CFAP299: variants seen among roughly 807,000 people sequenced by gnomAD.
CFAP299 encodes cilia- and flagella-associated protein 299.
Under a neutral mutation model 27.0 loss-of-function variants are expected in CFAP299, and 21 were observed. That is an observed-to-expected ratio of 0.78 (90% CI 0.55 to 1.12). The LOEUF (loss-of-function observed/expected upper bound fraction) is 1.12, where lower values mean the gene tolerates loss of function less well. CFAP299 is among the 50% of genes most tolerant of loss of function. The probability of loss-of-function intolerance (pLI) is 0.00; values close to 1 mark genes in which losing one functional copy is unlikely to be tolerated. For missense variants in CFAP299, 310 were observed against 276.6 expected (o/e 1.12, Z -0.86); for synonymous variants, 104 against 98.1 (o/e 1.06, Z -0.36).
chr4:80,440,184 C>A (rs995558314), intron 2 of CFAP299, among the ~76,000 whole-genome samples: 1 of 152,206 alleles, frequency 6.6e-6, no homozygotes. Context: ...GATCTCTCAG[C>A]ACAATGCTTG....
At position 80,382,331 on chromosome 4, in the gene CFAP299, C is replaced by T. The variant is rs191170689; in HGVS notation, c.242+19447C>T. ...ACAGCAATTGCAATGAAAGCAAAAA[C>T]TGACAAATGAGACCTAATTAACTGC... On this transcript the variant is annotated intron_variant, in intron 2 of 5. Coordinates refer to ENST00000358105, the MANE Select transcript of CFAP299 (RefSeq NM_152770.3). Among the ~76,000 whole-genome samples, 8 of 152,274 alleles carry T rather than the reference C, an allele frequency of 5.3e-5. No homozygotes were observed. The East Asian group carries it at 1.3e-3, about 26-fold the overall frequency.
At chr4:80,377,850 T>C (rs7439958) in intron 2 of CFAP299, among the ~76,000 whole-genome samples, 5,886 of 152,294 alleles carry the variant, frequency 0.039, 261 homozygotes, top group East Asian at 0.25. Context: ...ATTGGACTTA[T>C]AGTTTCACAT....
rs1344426401 is a variant in CFAP299 at position 80,800,667 on chromosome 4, A to G, written c.334-69326A>G. 1.6e-4 allele frequency among the ~76,000 whole-genome samples: 18 copies of G among 110,742 alleles called. No individual in the cohort carries two copies. The East Asian group carries it at 3.8e-3, about 24-fold the overall frequency. 72.7% of individuals were successfully genotyped at this position (110,742 alleles called of 152,430 possible). On this transcript the variant is annotated intron_variant, in intron 3 of 5. Transcript: ENST00000358105. ...TATATTAATATATATATGATATATTAATATAAATATATGATATATTATATA... is the reference window on the plus strand; with the variant it reads ...TATATTAATATATATATGATATATTGATATAAATATATGATATATTATATA...
At chr4:80,904,411 G>T (rs1335163856) in intron 4 of CFAP299, among the ~76,000 whole-genome samples, 1 of 152,128 alleles carries the variant, frequency 6.6e-6, no homozygotes, top group Non-Finnish European at 1.5e-5. Flanking sequence ...AGTCAGATTG[G>T]CAGTTGGGAA....
intron 2 of CFAP299, among the ~76,000 whole-genome samples, chr4:80,444,523 T>C (rs551559035): frequency 6.4e-4 from 97 of 152,224 alleles, no homozygotes; most frequent in African/African-American, 2.3e-3. Context: ...TATACAAAAA[T>C]TAATATAAGA....
At chr4:80,674,686 C>G (rs1162671179) in intron 3 of CFAP299, among the ~76,000 whole-genome samples, 1 of 152,174 alleles carries the variant, frequency 6.6e-6, no homozygotes, top group Non-Finnish European at 1.5e-5. Context: ...GGTCTTTTCA[C>G]ATTGTCCCAT....
At chr4:80,646,255 T>C (rs1173887770) in intron 3 of CFAP299, among the ~76,000 whole-genome samples, 1 of 152,150 alleles carries the variant, frequency 6.6e-6, no homozygotes, top group East Asian at 1.9e-4. Context: ...CAATATTTGT[T>C]AAATAAAAGA....
chr4:80,554,136 A>C (rs887457033), intron 2 of CFAP299, among the ~76,000 whole-genome samples: 6 of 152,110 alleles, frequency 3.9e-5, no homozygotes, highest in Admixed American at 2.6e-4. Flanking sequence ...TTTTACATTT[A>C]AGTCTTCAAT....
intron 3 of CFAP299, among the ~76,000 whole-genome samples, chr4:80,777,354 C>A (rs563580684): frequency 6.6e-6 from 1 of 152,238 alleles, no homozygotes; most frequent in African/African-American, 2.4e-5. Context: ...CTACTCATTT[C>A]TATGGCTGAG....
At chr4:80,359,177 C>T (rs2109994192) in intron 1 of CFAP299, among the ~76,000 whole-genome samples, 1 of 152,218 alleles carries the variant, frequency 6.6e-6, no homozygotes, top group South Asian at 2.1e-4. Flanking sequence ...AGAGTTTCTG[C>T]TGAAAGGTCT....
At chr4:80,344,070 C>G (rs1722603581) in intron 1 of CFAP299, among the ~76,000 whole-genome samples, 1 of 152,044 alleles carries the variant, frequency 6.6e-6, no homozygotes, top group Admixed American at 6.6e-5. Context: ...AACAACCTGA[C>G]AACACAACTA....
At chr4:80,419,092 G>A (rs183778164) in intron 2 of CFAP299, among the ~76,000 whole-genome samples, 1 of 152,296 alleles carries the variant, frequency 6.6e-6, no homozygotes, top group Admixed American at 6.5e-5. Flanking sequence ...TTTGACTGAG[G>A]ACCATAAGGC....
chr4:80,605,502 A>G (rs1737610964), intron 3 of CFAP299, among the ~76,000 whole-genome samples: 1 of 152,220 alleles, frequency 6.6e-6, no homozygotes, highest in African/African-American at 2.4e-5. Context: ...AAATGCTCTT[A>G]CTGACTTTAC....
At chr4:80,338,941 T>G (rs1722298632) in intron 1 of CFAP299, among the ~76,000 whole-genome samples, 1 of 152,252 alleles carries the variant, frequency 6.6e-6, no homozygotes. Context: ...AGATCCATTC[T>G]GTGCCCCTGG....
chr4:80,738,149 A>G (rs552820555), intron 3 of CFAP299, among the ~76,000 whole-genome samples: 1 of 152,304 alleles, frequency 6.6e-6, no homozygotes, highest in East Asian at 1.9e-4. Flanking sequence ...GACCTAACAT[A>G]TGGACTATCC....
chr4:80,543,610 C>T (rs769545801), intron 2 of CFAP299, among the ~76,000 whole-genome samples: 31 of 152,212 alleles, frequency 2.0e-4, no homozygotes, highest in Non-Finnish European at 1.6e-4. Context: ...ATCTCAGACT[C>T]TGAAGATCAC....
rs75042231 is a variant in CFAP299, at chr4:80,678,379, A to G, written c.333+95196A>G. 8.0e-3 allele frequency among the ~76,000 whole-genome samples: 1,222 copies of G among 152,114 alleles called. 21 individuals carry two copies. Among genetic ancestry groups the G allele is most frequent in the African/African-American group, 0.028 (1,166 of 41,536 alleles). On this transcript the variant is annotated intron_variant, in intron 3 of 5. Transcript: ENST00000358105. ...GCAGTAGATGTTTTTTCCATCACAA[A>G]CTAGCTTCCTAGTTACCTAATAAAG...
chr4:80,455,071 C>T (rs1246813029), intron 2 of CFAP299, among the ~76,000 whole-genome samples: 4 of 152,086 alleles, frequency 2.6e-5, no homozygotes, highest in Admixed American at 6.6e-5. Context: ...TATGATATTA[C>T]CCCTAGGAGC....
At chr4:80,509,878 G>T (rs1342611065) in intron 2 of CFAP299, among the ~76,000 whole-genome samples, 5 of 150,414 alleles carry the variant, frequency 3.3e-5, no homozygotes, top group Admixed American at 1.3e-4. Flanking sequence ...TTTTTTTCTG[G>T]CAGGTTGCAT....
Sources: allele counts gnomAD v4.1 joint callset (sites outside exome capture counted in the v4.1 genomes callset), GRCh38; gene constraint gnomAD v4.1.1; transcripts MANE v1.5; gene names NCBI Gene and HGNC (gene_info 2026-07-23, HGNC 2026-07-21).